Variants in DOK5 observed in about 807,000 individuals in gnomAD.
DOK5 encodes downstream of tyrosine kinase 5.
A neutral mutation model predicts 43.3 loss-of-function variants in DOK5; 27 were observed. The observed-to-expected ratio is 0.62, with a 90% CI of 0.46 to 0.86. The LOEUF (loss-of-function observed/expected upper bound fraction) is 0.86, where lower values mean the gene tolerates loss of function less well. Among genes scored for constraint, DOK5 ranks in the 40% least tolerant of loss-of-function variants. The pLI is 0.00. For missense variants in DOK5, 373 were observed against 392.9 expected (o/e 0.95, Z 0.43); for synonymous variants, 146 against 140.1 (o/e 1.04, Z -0.30).
intron 2 of DOK5, among the ~76,000 whole-genome samples, chr20:54,579,248 C>G (rs533160106): frequency 6.6e-6 from 1 of 151,968 alleles, no homozygotes; most frequent in South Asian, 2.1e-4. Context: ...AATACAAGAA[C>G]AGTATCACTT....
intron 1 of DOK5, among the ~76,000 whole-genome samples, chr20:54,490,659 C>T (rs1330591758): frequency 3.3e-5 from 5 of 152,208 alleles, no homozygotes; most frequent in African/African-American, 9.6e-5. Flanking sequence ...GATATTGGCT[C>T]ATGGCAACCT....
At chr20:54,573,396 A>G (rs1985353524) in intron 2 of DOK5, among the ~76,000 whole-genome samples, 1 of 152,114 alleles carries the variant, frequency 6.6e-6, no homozygotes, top group South Asian at 2.1e-4. Flanking sequence ...CTTTTAAGAT[A>G]ATAAAGTTAG....
intron 1 of DOK5, among the ~76,000 whole-genome samples, chr20:54,522,076 C>A (rs1156240922): frequency 6.6e-6 from 1 of 152,156 alleles, no homozygotes; most frequent in Non-Finnish European, 1.5e-5. Flanking sequence ...TATTACTGGT[C>A]TCATTTAGCA....
chr20:54,483,334 T>G (rs1981801472), intron 1 of DOK5, among the ~76,000 whole-genome samples: 1 of 152,212 alleles, frequency 6.6e-6, no homozygotes, highest in African/African-American at 2.4e-5. Context: ...AAGAACTTAG[T>G]TTTCATTGGA....
intron 2 of DOK5, among the ~76,000 whole-genome samples, chr20:54,584,480 T>C (rs1985737931): frequency 6.6e-6 from 1 of 151,690 alleles, no homozygotes; most frequent in Non-Finnish European, 1.5e-5. Flanking sequence ...GTTATCATTG[T>C]AACAAATTTC....
At chr20:54,629,453 C>T (rs974189055) in intron 6 of DOK5, among the ~76,000 whole-genome samples, 7 of 152,192 alleles carry the variant, frequency 4.6e-5, no homozygotes, top group Admixed American at 1.3e-4. Context: ...TCTGTCCCAT[C>T]GTCCCAGACA....
intron 1 of DOK5, among the ~76,000 whole-genome samples, chr20:54,486,143 A>G (rs1370113160): frequency 3.3e-5 from 5 of 152,260 alleles, no homozygotes; most frequent in East Asian, 1.9e-4. Flanking sequence ...ATTTAAGTCC[A>G]TCACCCATTT....
rs533114421 is a variant in DOK5, at chr20:54,617,498, T to G, written c.735+6975T>G. On this transcript the variant is annotated intron_variant, in intron 6 of 7. Transcript: ENST00000262593. Reference sequence around the variant, plus strand: ...TCTGGTTCCTTTTATTTATTATTTATTTTTTGTAGACATGAGGTCTCCCTA... The same window carrying G: ...TCTGGTTCCTTTTATTTATTATTTAGTTTTTGTAGACATGAGGTCTCCCTA... 7.2e-5 allele frequency among the ~76,000 whole-genome samples: 11 copies of G among 152,242 alleles called. No individual in the cohort carries two copies. The South Asian group carries it at 1.2e-3, about 17-fold the overall frequency.
intron 2 of DOK5, among the ~76,000 whole-genome samples, chr20:54,586,675 A>G (rs930951615): frequency 1.5e-4 from 23 of 152,138 alleles, no homozygotes; most frequent in Admixed American, 5.2e-4. Context: ...CTTGAGACTG[A>G]CTAGGTGTTA....
intron 1 of DOK5, among the ~76,000 whole-genome samples, chr20:54,487,772 C>A (rs1981996783): frequency 6.6e-6 from 1 of 152,170 alleles, no homozygotes; most frequent in Non-Finnish European, 1.5e-5. Context: ...TGTCACTTCT[C>A]ACCCCCCAAA....
intron 2 of DOK5, among the ~76,000 whole-genome samples, chr20:54,583,317 A>G (rs1985697444): frequency 6.6e-6 from 1 of 152,176 alleles, no homozygotes; most frequent in Admixed American, 6.5e-5. Context: ...TTTGTTACCT[A>G]ACACATGATC....
intron 6 of DOK5, among the ~76,000 whole-genome samples, chr20:54,627,555 G>A (rs1978358242): frequency 1.3e-5 from 2 of 152,196 alleles, no homozygotes; most frequent in African/African-American, 2.4e-5. Flanking sequence ...ACAGGTTTGG[G>A]AAACTTGTCA....
intron 5 of DOK5, among the ~76,000 whole-genome samples, chr20:54,597,260 AG>A (rs1986170134): frequency 6.6e-6 from 1 of 152,184 alleles, no homozygotes; most frequent in Non-Finnish European, 1.5e-5. Flanking sequence ...TTTGCTCCTA[AG>A]GGACATTTGA....
At chr20:54,576,273 T>C (rs1031455062) in intron 2 of DOK5, among the ~76,000 whole-genome samples, 3 of 152,036 alleles carry the variant, frequency 2.0e-5, no homozygotes, top group African/African-American at 7.2e-5. Flanking sequence ...TGAAAGCAAA[T>C]AAAAATTTAA....
intron 1 of DOK5, among the ~76,000 whole-genome samples, chr20:54,512,289 C>T (rs1317056166): frequency 3.9e-5 from 6 of 152,148 alleles, no homozygotes; most frequent in African/African-American, 1.4e-4. Flanking sequence ...GGAAAAGAGC[C>T]ATCCATAATG....
intron 5 of DOK5, among the ~76,000 whole-genome samples, chr20:54,606,791 T>A (rs6014081): frequency 6.6e-6 from 1 of 152,018 alleles, no homozygotes; most frequent in Non-Finnish European, 1.5e-5. Flanking sequence ...GGTCAGTTTG[T>A]GGTCATTAGC....
rs74179284 is a variant in DOK5, at chr20:54,543,541, C to CTGTGTGTG, written c.67-11370_67-11363dup. Among the ~76,000 whole-genome samples, 744 of 143,550 alleles carry CTGTGTGTG rather than the reference C, an allele frequency of 5.2e-3. 5 individuals are homozygous for CTGTGTGTG. The highest frequency in any genetic ancestry group is 0.016 in the African/African-American group (639 of 39,212). 94.2% of individuals were successfully genotyped at this position (143,550 alleles called of 152,430 possible). The stretch of plus-strand genomic sequence containing the variant: ...AAGTGCAGATTATTCCCTAGAATTG[C>CTGTGTGTG]TGTGTGTGTGTGTGTGTGTGTGTGT... On this transcript the variant is annotated intron_variant, in intron 1 of 7. Coordinates refer to ENST00000262593, the MANE Select transcript of DOK5 (RefSeq NM_018431.5).
intron 5 of DOK5, among the ~76,000 whole-genome samples, chr20:54,605,012 A>ATAT (rs1555835480): frequency 8.6e-6 from 1 of 116,154 alleles, no homozygotes; most frequent in Admixed American, 8.2e-5. Context: ...AAAAAAAAAA[A>ATAT]ATATATATAT....
At chr20:54,556,403 A>G (rs2146731262) in intron 2 of DOK5, among the ~76,000 whole-genome samples, 1 of 152,344 alleles carries the variant, frequency 6.6e-6, no homozygotes, top group Non-Finnish European at 1.5e-5. Context: ...TGTATTATTT[A>G]GGCACAGTGA....
Sources: gnomAD v4.1 joint callset for allele counts (sites outside exome capture counted in the v4.1 genomes callset) on GRCh38, gnomAD v4.1.1 for gene constraint, MANE v1.5 for transcripts, NCBI Gene and HGNC (gene_info 2026-07-23, HGNC 2026-07-21) for gene names.